Variants in MAP1S observed in about 807,000 individuals in gnomAD.
The protein encoded by MAP1S is microtubule-associated protein 1S.
In MAP1S, 27 loss-of-function variants were observed where a neutral mutation model predicts 60.9. The observed-to-expected ratio is 0.44, with a 90% CI of 0.33 to 0.61. MAP1S has a LOEUF of 0.61. MAP1S is among the 20% of genes least tolerant of loss of function. The pLI, the probability that MAP1S is intolerant of heterozygous loss-of-function variation, is 0.03. For missense variants in MAP1S, 1,608 were observed against 1,486.6 expected, an observed-to-expected ratio of 1.08 and a Z score of -1.34; for synonymous variants, 826 against 694.2, an observed-to-expected ratio of 1.19 and a Z score of -2.98.
chr19:17,725,806 C>G lies in MAP1S; in HGVS notation c.445-23C>G, dbSNP rs371627653. 4 of 1,597,730 alleles carry G rather than the reference C, an allele frequency of 2.5e-6. No individual in the cohort carries two copies. The highest frequency in any genetic ancestry group is 2.7e-5 in the African/African-American group (2 of 74,388). ...GGTGTTGCCTGGCTCTAGGTGGTCC[C>G]TTACCACTCCTCCTCCATACAGATC... On this transcript the variant is annotated intron_variant, in intron 4 of 6. Transcript: ENST00000324096. This position sits in a 1 kb window ranked among gnomAD's most constrained non-coding sequence, Gnocchi z 4.2.
At chr19:17,722,275 A>T (rs926861125) in intron 2 of MAP1S, among the ~76,000 whole-genome samples, 1 of 152,092 alleles carries the variant, frequency 6.6e-6, no homozygotes, top group African/African-American at 2.4e-5. Context: ...AACATGGTGA[A>T]ACCCTGTCCC....
In MAP1S at chr19:17,719,488, C is replaced by G; in HGVS notation, c.-15C>G. 8.1e-7 allele frequency: 1 copy of G among 1,241,002 alleles called. No homozygotes were observed. The highest frequency in any genetic ancestry group is 1.0e-6 in the Non-Finnish European group (1 of 984,878). The allele number at this position is 1,241,002 out of a possible 1,614,324, so 76.9% of individuals were successfully genotyped here. A position where few individuals can be genotyped will look rare whatever the true frequency, so the allele number is the denominator to read the frequency against. On this transcript the variant is annotated 5_prime_UTR_variant, in exon 1 of 7. Transcript: ENST00000324096. ...CCTGCGGGGCGGGCGCCGAGAACGC[C>G]GGGGCGGCCCGAAGATGGCGGCGGT...
intron 1 of MAP1S, 77 bp from the exon 2 acceptor site, chr19:17,720,858 CG>C: frequency 8.8e-7 from 1 of 1,134,814 alleles, no homozygotes; most frequent in Non-Finnish European, 1.3e-6. Context: ...TCCCCACCCA[CG>C]GGGTGCTAAT....
chr19:17,720,566 A>G, intron 1 of MAP1S: 1 of 1,403,352 alleles, frequency 7.1e-7, no homozygotes, highest in Non-Finnish European at 9.4e-7. Context: ...GCTGAGGGGG[A>G]AGGGCCCCCT....
Position 17,728,147 on chromosome 19 carries a change from C to G in MAP1S, c.2763C>G (p.Pro921=). 1 of 1,599,918 alleles carries G rather than the reference C, an allele frequency of 6.3e-7. No homozygotes were observed. The highest frequency in any genetic ancestry group is 1.1e-5 in the South Asian group (1 of 90,258). Reference sequence around the variant, plus strand: ...CCCTGTCCAGAAAGTCCTCAACCCCCAAGACTGCCACTCGAGGCCCGTCGG... The same window carrying G: ...CCCTGTCCAGAAAGTCCTCAACCCCGAAGACTGCCACTCGAGGCCCGTCGG... ...RAPLSRKSST[P]KTATRGPSGS... Residue 921 remains proline (P), a synonymous_variant, in exon 5 of 7, where the codon CCC becomes CCG. Coordinates refer to ENST00000324096, the MANE Select transcript of MAP1S (RefSeq NM_018174.6).
intron 3 of MAP1S, 61 bp downstream of exon 3, chr19:17,724,269 TC>T: frequency 7.4e-7 from 1 of 1,354,130 alleles, no homozygotes; most frequent in South Asian, 1.2e-5. Context: ...TTCTCTGTCT[TC>T]CTGTCTCGTG....
chr19:17,733,918 T>G (rs1599469322), intron 6 of MAP1S, among the ~76,000 whole-genome samples: 1 of 152,100 alleles, frequency 6.6e-6, no homozygotes, highest in South Asian at 2.1e-4. Flanking sequence ...CCCTGTAGGG[T>G]GCACGACCCA....
rs755094295 is a variant in MAP1S, at chr19:17,720,971, A to G, written c.154A>G (p.Asn52Asp). 6.2e-7 allele frequency: 1 copy of G among 1,614,072 alleles called. No homozygotes were observed. ...RSWDVDPGVC[N>D]LDEQLKVFVS... ...TTGGGATGTCGATCCTGGCGTCTGCAACCTTGATGAACAGCTCAAGGTCTT... is the reference window on the plus strand; with the variant it reads ...TTGGGATGTCGATCCTGGCGTCTGCGACCTTGATGAACAGCTCAAGGTCTT... Residue 52 changes from asparagine (N) to aspartate (D), a missense_variant, in exon 2 of 7, where the codon AAC (asparagine) becomes GAC (aspartate). By Grantham distance (23) the Asn-to-Asp change is conservative (BLOSUM62 1). Coordinates refer to ENST00000324096, the MANE Select transcript of MAP1S (RefSeq NM_018174.6).
At position 17,725,524 on chromosome 19, in the gene MAP1S, A is replaced by T. The variant is rs1390663078; in HGVS notation, c.445-305A>T. On this transcript the variant is annotated intron_variant, in intron 4 of 6. Coordinates refer to ENST00000324096, the MANE Select transcript of MAP1S (RefSeq NM_018174.6). This position sits in a 1 kb window ranked among gnomAD's most constrained non-coding sequence, Gnocchi z 4.2. ...TCACATTGTAGTGGGGCACTTAAAA[A>T]TGGTGAGAAAAGGTTCAGTAGACAG... 6.6e-6 allele frequency among the ~76,000 whole-genome samples: 1 copy of T among 152,208 alleles called. No homozygotes were observed. Among genetic ancestry groups the T allele is most frequent in the Non-Finnish European group, 1.5e-5 (1 of 68,038 alleles).
At chr19:17,731,147 G>C (rs1002493202) in intron 5 of MAP1S, among the ~76,000 whole-genome samples, 2 of 151,878 alleles carry the variant, frequency 1.3e-5, no homozygotes, top group Non-Finnish European at 2.9e-5. Context: ...TGCCCGCCTC[G>C]GCCTCCCAGA....
intron 5 of MAP1S, among the ~76,000 whole-genome samples, chr19:17,731,960 C>T (rs753779326): frequency 6.6e-6 from 1 of 152,266 alleles, no homozygotes; most frequent in Non-Finnish European, 1.5e-5. Context: ...AGCCACTGCA[C>T]CCCCAGGCCT....
At chr19:17,720,119 G>GT in intron 1 of MAP1S, 21 of 1,253,208 alleles carry the variant, frequency 1.7e-5, no homozygotes, top group Non-Finnish European at 2.1e-5. Flanking sequence ...GTGTGGGCGG[G>GT]TGCGGCCTGC....
Position 17,726,049 on chromosome 19 carries a change from C to A in MAP1S, c.665C>A (p.Ser222Tyr). 6.2e-7 allele frequency: 1 copy of A among 1,613,456 alleles called. No homozygotes were observed. The highest frequency in any genetic ancestry group is 1.1e-5 in the South Asian group (1 of 91,034). Reference protein sequence around the residue: ...EYVAESLEPPSPFELLEPPTS... With the variant: ...EYVAESLEPPYPFELLEPPTS... ...GTGGCTGAGTCTCTGGAGCCACCGT[C>A]CCCCTTCGAGCTGCTGGAGCCCCCG... Residue 222 changes from serine to tyrosine, a missense_variant, in exon 5 of 7, where the codon TCC becomes TAC. Transcript: ENST00000324096.
At chr19:17,722,818 AAG>A (rs2080383301) in intron 2 of MAP1S, among the ~76,000 whole-genome samples, 1 of 151,620 alleles carries the variant, frequency 6.6e-6, no homozygotes, top group African/African-American at 2.4e-5. Context: ...AGAGAAAGGA[AAG>A]AGAAAGCTAA....
intron 6 of MAP1S, among the ~76,000 whole-genome samples, chr19:17,734,046 T>C (rs1774029266): frequency 6.6e-6 from 1 of 152,188 alleles, no homozygotes; most frequent in African/African-American, 2.4e-5. Flanking sequence ...CTCCGTCTCC[T>C]GTGTGCTGAG....
In MAP1S at chr19:17,726,080, C is replaced by G. The variant is rs181494116; in HGVS notation, c.696C>G (p.Ser232=). The change falls in exon 5 of 7, where the codon TCC becomes TCG. Residue 232 remains serine, a synonymous_variant. Transcript: ENST00000324096. Reference sequence around the variant, plus strand: ...TCGAGCTGCTGGAGCCCCCGACCTCCGGGGGCTTCCTCAGGCTGGGCCGGC... The same window carrying G: ...TCGAGCTGCTGGAGCCCCCGACCTCGGGGGGCTTCCTCAGGCTGGGCCGGC... ...SPFELLEPPT[S]GGFLRLGRPC... 6.2e-7 allele frequency: 1 copy of G among 1,613,790 alleles called. No individual in the cohort carries two copies. Among genetic ancestry groups the G allele is most frequent in the East Asian group, 2.2e-5 (1 of 44,852 alleles).
At position 17,733,425 on chromosome 19, in the gene MAP1S, G is replaced by T. The variant is rs2080511246; in HGVS notation, c.3021G>T (p.Leu1007=). Residue 1007 remains leucine (L), a synonymous_variant, in exon 6 of 7, where the codon CTG becomes CTT. Transcript: ENST00000324096. ...GCAAGCAGCATTGGGACCGTGACCT[G>T]CAGGTGCGTGTCACCCCAGGGCCTC... ...LASKQHWDRD[L]QVTLIPTFDS... 1 of 1,593,084 alleles carries T rather than the reference G, an allele frequency of 6.3e-7. No individual in the cohort carries two copies. Among genetic ancestry groups the T allele is most frequent in the Admixed American group, 1.7e-5 (1 of 57,772 alleles).
chr19:17,721,299 A>T, intron 2 of MAP1S: 1 of 470,402 alleles, frequency 2.1e-6, no homozygotes, highest in Non-Finnish European at 3.9e-6. Context: ...ATCTCTGAGG[A>T]GGGGGTTTTT....
At chr19:17,723,313 G>A (rs1277879682) in intron 2 of MAP1S, among the ~76,000 whole-genome samples, 1 of 152,146 alleles carries the variant, frequency 6.6e-6, no homozygotes, top group African/African-American at 2.4e-5. Flanking sequence ...TTGGGAGGCC[G>A]AGGCAGGCGG....
Sources: allele counts gnomAD v4.1 joint callset (sites outside exome capture counted in the v4.1 genomes callset), GRCh38; gene constraint gnomAD v4.1.1; non-coding constraint Gnocchi (gnomAD v3.1); transcripts MANE v1.5; gene names NCBI Gene and HGNC (gene_info 2026-07-23, HGNC 2026-07-21).